SHANK1: variants seen among roughly 807,000 people sequenced by gnomAD.
SHANK1 encodes SH3 and multiple ankyrin repeat domains 1.
In SHANK1, 35 loss-of-function variants were observed where a neutral mutation model predicts 165.6. The observed-to-expected ratio is 0.21, with a 90% CI of 0.16 to 0.28. The LOEUF is 0.28. Ranked by LOEUF, SHANK1 falls within the 10% of genes least tolerant of loss-of-function variation. The pLI, the probability that SHANK1 is intolerant of heterozygous loss-of-function variation, is 1.00. For missense variants in SHANK1, 2,681 were observed against 3,036.4 expected (o/e 0.88, Z 2.75); for synonymous variants, 1,428 against 1,384.8 (o/e 1.03, Z -0.69).
rs768957689 is a variant in SHANK1, at chr19:50,686,695, G to A, written c.2458+49C>T. The A allele has an allele frequency of 5.1e-6, 8 of 1,556,258 alleles. No homozygotes were observed. The South Asian group carries it at 7.8e-5, about 15-fold the overall frequency. ...ATGGTGGGACAGGGATGCAGCGGGT[G>A]CCGGGGCTGGGGCCCGGCATCCCGA... On this transcript the variant is annotated intron_variant, in intron 20 of 23. Transcript: ENST00000293441. The surrounding 1 kb of genome is among the most constrained non-coding windows in gnomAD (Gnocchi z 5.7).
At chr19:50,680,486 G>A (rs1167689117) in intron 21 of SHANK1, among the ~76,000 whole-genome samples, 2 of 152,102 alleles carry the variant, frequency 1.3e-5, no homozygotes, top group African/African-American at 2.4e-5. Flanking sequence ...ACCGAGGGGC[G>A]GATGGACAGC....
At position 50,697,032 on chromosome 19, in the gene SHANK1, C is replaced by CT; in HGVS notation, c.1964+63_1964+64insA. ...CTCTGGTCGTGCACACACGTTCACACGCCCCCCAGGCACCCCGTCCTTCCC... is the reference window on the plus strand; with the variant it reads ...CTCTGGTCGTGCACACACGTTCACACTGCCCCCCAGGCACCCCGTCCTTCCC... On this transcript the variant is annotated intron_variant, in intron 15 of 23. Coordinates refer to ENST00000293441, the MANE Select transcript of SHANK1 (RefSeq NM_016148.5). This position sits in a 1 kb window ranked among gnomAD's most constrained non-coding sequence, Gnocchi z 4.7. The CT allele has an allele frequency of 7.8e-7, 1 of 1,279,710 alleles. No homozygotes were observed. Among genetic ancestry groups the CT allele is most frequent in the Non-Finnish European group, 1.1e-6 (1 of 884,432 alleles). The allele number at this position is 1,279,710 out of a possible 1,614,324, so 79.3% of individuals were successfully genotyped here.
chr19:50,684,211 C>T (rs1351692585), intron 21 of SHANK1, among the ~76,000 whole-genome samples: 1 of 150,756 alleles, frequency 6.6e-6, no homozygotes, highest in Non-Finnish European at 1.5e-5. Context: ...TAGATTTGGA[C>T]TCCATATAAG....
chr19:50,659,899 T>C lies in SHANK1; in HGVS notation c.*2066A>G, dbSNP rs1356550386. 2.1e-5 allele frequency among the ~76,000 whole-genome samples: 3 copies of C among 143,174 alleles called. No individual in the cohort carries two copies. Among genetic ancestry groups the C allele is most frequent in the African/African-American group, 7.8e-5 (3 of 38,460 alleles). 93.9% of individuals were successfully genotyped at this position (143,174 alleles called of 152,430 possible). A position where few individuals can be genotyped will look rare whatever the true frequency, so the allele number is the denominator to read the frequency against. On this transcript the variant is annotated 3_prime_UTR_variant, in exon 24 of 24. Coordinates refer to ENST00000293441, the MANE Select transcript of SHANK1 (RefSeq NM_016148.5). ...CATCCGACAAGGGGGAGGGGGCGGG[T>C]AGGGGTCCAGCGCGGCCTCTGCCCC...
At chr19:50,672,230 C>A in intron 21 of SHANK1, 116 bp from the exon 22 acceptor site, 1 of 829,576 alleles carries the variant, frequency 1.2e-6, no homozygotes. Flanking sequence ...AAGCCCCTGC[C>A]GTAAGGGAGA....
At position 50,664,122 on chromosome 19, in the gene SHANK1, C is replaced by CTT. The variant is rs34384254; in HGVS notation, c.5769-1442_5769-1441dup. Among the ~76,000 whole-genome samples the CTT allele has an allele frequency of 8.8e-5, 12 of 136,640 alleles. No homozygotes were observed. The East Asian group carries it at 2.2e-3, about 26-fold the overall frequency. The allele number at this position is 136,640 out of a possible 152,430, so 89.6% of individuals were successfully genotyped here. ...GCCCAGCCTCCTTTTTCTTTTCTTT[C>CTT]TTTTTTTTTTTTTTTCAACCTGGGA... On this transcript the variant is annotated intron_variant, in intron 23 of 23. Transcript: ENST00000293441.
At position 50,716,853 on chromosome 19, in the gene SHANK1, C is replaced by A; in HGVS notation, c.67G>T (p.Gly23Cys). Residue 23 changes from glycine (G) to cysteine (C), a missense_variant, in exon 2 of 24, where the codon GGC becomes TGC. By Grantham distance (159) the Gly-to-Cys change is radical. This residue lies in a region of SHANK1 where 118 missense variants were observed against 106.9 expected (regional missense o/e 1.10). Coordinates refer to ENST00000293441, the MANE Select transcript of SHANK1 (RefSeq NM_016148.5). The surrounding 1 kb of genome is among the most constrained non-coding windows in gnomAD (Gnocchi z 8.4). The part of the protein sequence containing the change: ...RHSASECPEG[G>C]SESDSSPDGP... Reference sequence around the variant, plus strand: ...TCTGGGGAGCTGTCGGACTCTGAGCCCCCCTCGGGACACTCGCTGGCACTG... The same window carrying A: ...TCTGGGGAGCTGTCGGACTCTGAGCACCCCTCGGGACACTCGCTGGCACTG... The A allele has an allele frequency of 6.5e-7, 1 of 1,535,344 alleles. No homozygotes were observed.
Position 50,718,642 on chromosome 19 carries a change from G to A in SHANK1, c.-44+764C>T, listed in dbSNP as rs1355323703. Among the ~76,000 whole-genome samples the A allele has an allele frequency of 6.6e-6, 1 of 151,804 alleles. No individual in the cohort carries two copies. The highest frequency in any genetic ancestry group is 1.9e-4 in the East Asian group (1 of 5,156). On this transcript the variant is annotated intron_variant, in intron 1 of 23. Coordinates refer to ENST00000293441, the MANE Select transcript of SHANK1 (RefSeq NM_016148.5). The surrounding 1 kb of genome is among the most constrained non-coding windows in gnomAD (Gnocchi z 5.1). ...ATCGGCGAGGGGGGTGGTGGAGGAC[G>A]CGAGAGAGGGGGTGCCCTGGGAGGC...
rs1037099883 is a variant in SHANK1 at position 50,659,950 on chromosome 19, A to C, written c.*2015T>G. ...TCTCTCACCACCCCTCCCCCCTCCC[A>C]CGACCCTCCCACGAGGTTCCCCGCA... On this transcript the variant is annotated 3_prime_UTR_variant, in exon 24 of 24. Coordinates refer to ENST00000293441, the MANE Select transcript of SHANK1 (RefSeq NM_016148.5). 1.4e-5 allele frequency among the ~76,000 whole-genome samples: 2 copies of C among 142,248 alleles called. No individual in the cohort carries two copies. The highest frequency in any genetic ancestry group is 1.5e-5 in the Non-Finnish European group (1 of 64,884). The allele number at this position is 142,248 out of a possible 152,430, so 93.3% of individuals were successfully genotyped here.
intron 8 of SHANK1, among the ~76,000 whole-genome samples, chr19:50,707,904 T>G (rs1208636366): frequency 3.3e-5 from 1 of 30,564 alleles, no homozygotes; most frequent in Non-Finnish European, 6.7e-5. Flanking sequence ...TTCTTTTCTT[T>G]TCTTTTCTTT....
In SHANK1 at chr19:50,716,609, C is replaced by T; in HGVS notation, c.255+56G>A. The stretch of plus-strand genomic sequence containing the variant: ...GGATACCCAGCACCAGTGGACTCCC[C>T]ATGTCGGTTGGGGCACTGTCCCTCT... On this transcript the variant is annotated intron_variant, in intron 2 of 23. Transcript: ENST00000293441. This position sits in a 1 kb window ranked among gnomAD's most constrained non-coding sequence, Gnocchi z 8.4. 6.4e-7 allele frequency: 1 copy of T among 1,553,854 alleles called. No homozygotes were observed. Among genetic ancestry groups the T allele is most frequent in the Non-Finnish European group, 8.7e-7 (1 of 1,146,404 alleles).
At chr19:50,672,677 C>G (rs1399362936) in intron 21 of SHANK1, among the ~76,000 whole-genome samples, 1 of 151,812 alleles carries the variant, frequency 6.6e-6, no homozygotes, top group Non-Finnish European at 1.5e-5. Flanking sequence ...TCCATCGACT[C>G]TTGATCTGCT....
intron 15 of SHANK1, chr19:50,689,542 C>A: frequency 1.6e-6 from 1 of 619,726 alleles, no homozygotes. Context: ...ATCCATTCAG[C>A]ACCAGGCACG....
rs1054523299 is a variant in SHANK1, at chr19:50,717,486, G to A, written c.-43-524C>T. Among the ~76,000 whole-genome samples the A allele has an allele frequency of 4.6e-5, 7 of 152,120 alleles. No homozygotes were observed. In the East Asian group the frequency reaches 1.4e-3, roughly 29 times the overall value. On this transcript the variant is annotated intron_variant, in intron 1 of 23. Transcript: ENST00000293441. The surrounding 1 kb of genome is among the most constrained non-coding windows in gnomAD (Gnocchi z 5.5). ...GAGGGAGGTGTGGTGAGCCTGGAGC[G>A]GGTGGAGCTGGTGACTTCACTCAAG...
chr19:50,666,460 G>A lies in SHANK1; in HGVS notation c.5500C>T (p.Pro1834Ser), dbSNP rs1017992430. 3.1e-6 allele frequency: 5 copies of A among 1,606,258 alleles called. No homozygotes were observed. Among genetic ancestry groups the A allele is most frequent in the African/African-American group, 2.7e-5 (2 of 74,888 alleles). Residue 1834 changes from proline (P) to serine (S), a missense_variant, in exon 23 of 24, where the codon CCC becomes TCC. Coordinates refer to ENST00000293441, the MANE Select transcript of SHANK1 (RefSeq NM_016148.5). ...PVPLPTASSL[P>S]RKLLPWEEGP... Reference sequence around the variant, plus strand: ...TCCTCCCAGGGCAGCAGCTTCCGGGGCAGAGAGGAGGCCGTCGGCAAGGGC... The same window carrying A: ...TCCTCCCAGGGCAGCAGCTTCCGGGACAGAGAGGAGGCCGTCGGCAAGGGC...
At chr19:50,671,997 C>G in intron 22 of SHANK1, 21 bp downstream of exon 22, 1 of 1,588,156 alleles carries the variant, frequency 6.3e-7, no homozygotes, top group Non-Finnish European at 8.6e-7. Flanking sequence ...GCCCCCACAT[C>G]TCTTCTTCTG....
rs3214555 is a variant in SHANK1, at chr19:50,686,048, G to GA, written c.2577+188dup. Among the ~76,000 whole-genome samples, 54,286 of 151,808 alleles carry GA rather than the reference G, an allele frequency of 0.36. 10,454 individuals carry two copies. Among genetic ancestry groups the GA allele is most frequent in the Admixed American group, 0.45 (6,875 of 15,230 alleles). The stretch of plus-strand genomic sequence containing the variant: ...AAAAGGACAGAGATGGGATTTGAGG[G>GA]AAAGGGGATAAGGAGGAAAGGAGGT... On this transcript the variant is annotated intron_variant, in intron 21 of 23. Coordinates refer to ENST00000293441, the MANE Select transcript of SHANK1 (RefSeq NM_016148.5). This position sits in a 1 kb window ranked among gnomAD's most constrained non-coding sequence, Gnocchi z 5.7.
intron 8 of SHANK1, among the ~76,000 whole-genome samples, chr19:50,707,416 A>T (rs1292233603): frequency 6.6e-6 from 1 of 152,120 alleles, no homozygotes; most frequent in African/African-American, 2.4e-5. Context: ...CACCTCCTTG[A>T]TCTTACCCCT....
chr19:50,689,113 C>A, intron 16 of SHANK1, 84 bp downstream of exon 16: 1 of 1,244,686 alleles, frequency 8.0e-7, no homozygotes, highest in Non-Finnish European at 1.2e-6. Context: ...GGCTGGGGTC[C>A]CTTCCCCTTT....
Sources: gnomAD v4.1 joint callset for allele counts (sites outside exome capture counted in the v4.1 genomes callset) on GRCh38, gnomAD v4.1.1 for gene constraint, gnomAD v4.1.1 regional missense constraint, Gnocchi (gnomAD v3.1) non-coding constraint, MANE v1.5 for transcripts, NCBI Gene and HGNC (gene_info 2026-07-23, HGNC 2026-07-21) for gene names.